Variants in TTC39B observed in about 807,000 individuals in gnomAD.
TTC39B encodes tetratricopeptide repeat protein 39B.
A neutral mutation model predicts 96.6 loss-of-function variants in TTC39B; 92 were observed. The ratio of observed to expected loss-of-function variants is 0.95; its 90% CI spans 0.80 to 1.13. TTC39B has a LOEUF of 1.13. Among genes scored for constraint, TTC39B ranks in the 50% most tolerant of loss-of-function variants. TTC39B has a pLI of 0.00. For synonymous variants in TTC39B, 367 were observed against 299.4 expected, an observed-to-expected ratio of 1.23 and a Z score of -2.33; for missense variants, 955 against 809.3, an observed-to-expected ratio of 1.18 and a Z score of -2.18.
chr9:15,168,983 T>G (rs1817579713), exon 20 of TTC39B: 1 of 152,198 alleles, frequency 6.6e-6, no homozygotes, highest in South Asian at 2.1e-4. Flanking sequence ...CCCTGCTGAT[T>G]TGAAGCCCTA....
intron 3 of TTC39B, among the ~76,000 whole-genome samples, chr9:15,219,205 C>G (rs2131379013): frequency 6.6e-6 from 1 of 152,266 alleles, no homozygotes; most frequent in Non-Finnish European, 1.5e-5. Context: ...AGATAGGGAT[C>G]ATTAAGTCTG....
intron 16 of TTC39B, chr9:15,183,251 G>A (rs189796397): frequency 2.3e-3 from 757 of 331,660 alleles, no homozygotes; most frequent in African/African-American, 0.015. Context: ...TTATGGCACC[G>A]AAAACTAAGA....
chr9:15,239,827 T>C (rs1821958383), intron 2 of TTC39B, among the ~76,000 whole-genome samples: 1 of 152,190 alleles, frequency 6.6e-6, no homozygotes, highest in African/African-American at 2.4e-5. Flanking sequence ...ATTTGCGTGA[T>C]GAGTACACTA....
Position 15,307,209 on chromosome 9 carries a change from C to A in TTC39B, c.115G>T (p.Ala39Ser), listed in dbSNP as rs1470175182. 7.0e-6 allele frequency: 11 copies of A among 1,561,610 alleles called. No homozygotes were observed. Among genetic ancestry groups the A allele is most frequent in the African/African-American group, 2.7e-5 (2 of 73,416 alleles). The change falls in exon 1 of 20, where the codon GCT becomes TCT. Residue 39 changes from alanine to serine, a missense_variant. By Grantham distance (99) the Ala-to-Ser change is moderately conservative. Transcript: ENST00000512701. ...GCTCTCGGCTCTGGGCTCAGCCCAG[C>A]GCAAAGGAGGGCAAAAGGGGACGGC...
At chr9:15,265,923 G>A (rs561057122) in intron 2 of TTC39B, among the ~76,000 whole-genome samples, 8 of 152,112 alleles carry the variant, frequency 5.3e-5, no homozygotes, top group Non-Finnish European at 1.2e-4. Context: ...CACCGAAAAC[G>A]AGAGTCTGAG....
Position 15,189,259 on chromosome 9 carries a change from G to A in TTC39B, c.1233+315C>T, listed in dbSNP as rs117493153. ...AGGGGCTAGATTCCAAAGTCAGTGTGTAATGCAGAAATTGGTAACAGTCAC... is the reference window on the plus strand; with the variant it reads ...AGGGGCTAGATTCCAAAGTCAGTGTATAATGCAGAAATTGGTAACAGTCAC... On this transcript the variant is annotated intron_variant, in intron 13 of 19. Coordinates refer to ENST00000512701, the Ensembl canonical transcript of TTC39B. Among the ~76,000 whole-genome samples the A allele has an allele frequency of 2.4e-4, 36 of 152,272 alleles. 1 individual carries two copies. The East Asian group carries it at 5.6e-3, about 24-fold the overall frequency.
chr9:15,195,768 C>G (rs747472567), intron 8 of TTC39B, among the ~76,000 whole-genome samples: 1 of 151,102 alleles, frequency 6.6e-6, no homozygotes, highest in Non-Finnish European at 1.5e-5. Context: ...AGATCACTGA[C>G]GAAGGTGGCT....
Position 15,306,917 on chromosome 9 carries a change from G to A in TTC39B, c.240+167C>T, listed in dbSNP as rs944744413. Among the ~76,000 whole-genome samples the A allele has an allele frequency of 1.6e-4, 24 of 151,930 alleles. No homozygotes were observed. Among genetic ancestry groups the A allele is most frequent in the African/African-American group, 5.8e-4 (24 of 41,382 alleles). ...GCAGGGACCCTCCTAGCTCCAGCGG[G>A]GACAGACCTACCAAGGCCGGGCGCC... is the stretch of plus-strand genomic sequence containing the variant. On this transcript the variant is annotated intron_variant, in intron 1 of 19. Transcript: ENST00000512701. The surrounding 1 kb of genome is among the most constrained non-coding windows in gnomAD (Gnocchi z 5.1).
chr9:15,175,366 G>A lies in TTC39B; in HGVS notation c.1842-231C>T, dbSNP rs72700612. On this transcript the variant is annotated intron_variant, in intron 18 of 19. Coordinates refer to ENST00000512701, the Ensembl canonical transcript of TTC39B. ...GTAAACCCAGCACTGATGGTTGATC[G>A]CTGTCTCTTAAGTAAATCAGCGCAT... Among the ~76,000 whole-genome samples, 1,096 of 151,912 alleles carry A rather than the reference G, an allele frequency of 7.2e-3. 7 individuals are homozygous for A. The highest frequency in any genetic ancestry group is 0.013 in the Non-Finnish European group (858 of 67,952).
At chr9:15,271,195 A>G (rs1444134479) in intron 1 of TTC39B, among the ~76,000 whole-genome samples, 1 of 152,190 alleles carries the variant, frequency 6.6e-6, no homozygotes, top group Non-Finnish European at 1.5e-5. Context: ...ATATGGTAGC[A>G]TTGTTTTACA....
intron 2 of TTC39B, 79 bp from the exon 3 acceptor site, chr9:15,226,091 C>G (rs1162420767): frequency 8.5e-7 from 1 of 1,173,858 alleles, no homozygotes; most frequent in Non-Finnish European, 1.2e-6. Context: ...AATTACACAA[C>G]ATAAGTCTTC....
At chr9:15,295,141 C>T (rs1198278026) in intron 1 of TTC39B, among the ~76,000 whole-genome samples, 1 of 152,220 alleles carries the variant, frequency 6.6e-6, no homozygotes, top group South Asian at 2.1e-4. Context: ...AACTTAAACA[C>T]CCCAGAAGGT....
At chr9:15,302,051 G>A (rs999631635) in intron 1 of TTC39B, among the ~76,000 whole-genome samples, 7 of 152,004 alleles carry the variant, frequency 4.6e-5, no homozygotes, top group African/African-American at 1.2e-4. Flanking sequence ...GGTTGGGCAC[G>A]GTGGCTCACG....
At position 15,294,307 on chromosome 9, in the gene TTC39B, T is replaced by C. The variant is rs188752033; in HGVS notation, c.240+12777A>G. On this transcript the variant is annotated intron_variant, in intron 1 of 19. Transcript: ENST00000512701. The stretch of plus-strand genomic sequence containing the variant: ...GGGCTCAGGAATGCTTGCACACTCT[T>C]ACTTCCTTTACCTTTTAGCCTCTTA... Among the ~76,000 whole-genome samples, 107 of 152,280 alleles carry C rather than the reference T, an allele frequency of 7.0e-4. 1 individual carries two copies. Among genetic ancestry groups the C allele is most frequent in the Non-Finnish European group, 1.1e-3 (78 of 68,020 alleles).
intron 17 of TTC39B, among the ~76,000 whole-genome samples, chr9:15,180,949 G>C (rs906960122): frequency 6.6e-6 from 1 of 152,166 alleles, no homozygotes; most frequent in Non-Finnish European, 1.5e-5. Context: ...CTGTCTGTCT[G>C]TCTCAGTATC....
In TTC39B at chr9:15,278,550, A is replaced by G. The variant is rs556032562; in HGVS notation, c.241-10602T>C. ...ATCCAATCTACCTAATTTACAGTAA[A>G]CAGGAATATCTGGGGCTGTTTTTGC... On this transcript the variant is annotated intron_variant, in intron 1 of 19. Transcript: ENST00000512701. Among the ~76,000 whole-genome samples, 7 of 152,334 alleles carry G rather than the reference A, an allele frequency of 4.6e-5. No homozygotes were observed. The South Asian group carries it at 1.5e-3, about 32-fold the overall frequency.
At chr9:15,190,367 G>A (rs769499670) in intron 11 of TTC39B, among the ~76,000 whole-genome samples, 187 bp downstream of exon 11, 24 of 151,952 alleles carry the variant, frequency 1.6e-4, no homozygotes, top group Non-Finnish European at 3.2e-4. Flanking sequence ...TTAGAGACAG[G>A]ATCTCGCTCT....
chr9:15,296,867 G>A (rs1824399726), intron 1 of TTC39B, among the ~76,000 whole-genome samples: 1 of 152,068 alleles, frequency 6.6e-6, no homozygotes, highest in Non-Finnish European at 1.5e-5. Flanking sequence ...ACTTTGAGAG[G>A]CCAAGGCTGG....
At chr9:15,245,081 T>C (rs915788003) in intron 2 of TTC39B, among the ~76,000 whole-genome samples, 3 of 152,258 alleles carry the variant, frequency 2.0e-5, no homozygotes, top group African/African-American at 7.2e-5. Context: ...CTTATGAGCT[T>C]CTTAAGAACA....
Sources: allele counts gnomAD v4.1 joint callset (sites outside exome capture counted in the v4.1 genomes callset), GRCh38; gene constraint gnomAD v4.1.1; non-coding constraint Gnocchi (gnomAD v3.1); transcripts MANE v1.5; gene names NCBI Gene and HGNC (gene_info 2026-07-23, HGNC 2026-07-21).